The following TIMM17B variants were observed in gnomAD, a reference collection of about 807,000 sequenced individuals.
TIMM17B encodes translocase of inner mitochondrial membrane 17B.
A neutral mutation model predicts 15.9 loss-of-function variants in TIMM17B; 10 were observed. The observed-to-expected ratio is 0.63, with a 90% CI of 0.39 to 1.06. The LOEUF is 1.06. Ranked by LOEUF, TIMM17B falls within the 50% of genes least tolerant of loss-of-function variation. The probability of loss-of-function intolerance (pLI) is 0.01; values close to 1 mark genes in which losing one functional copy is unlikely to be tolerated. For synonymous variants in TIMM17B, 57 were observed against 57.2 expected, an observed-to-expected ratio of 1.00 and a Z score of 0.02; for missense variants, 114 against 152.2, an observed-to-expected ratio of 0.75 and a Z score of 1.32.
chrX:48,897,013 G>A, intron 2 of TIMM17B, 155 bp from the exon 2 acceptor site: 1 of 1,068,035 alleles, frequency 9.4e-7, no homozygotes, highest in Non-Finnish European at 1.2e-6. Flanking sequence ...GTTCTGTCAC[G>A]CTTTTTCCAC....
At chrX:48,896,464 A>G in intron 3 of TIMM17B, 1 of 320,425 alleles carries the variant, frequency 3.1e-6, no homozygotes, top group Non-Finnish European at 5.1e-6. Flanking sequence ...TCTCAAAAAA[A>G]AAAAAAACTG....
intron 1 of TIMM17B, chrX:48,898,006 T>G: frequency 1.0e-6 from 1 of 979,992 alleles, no homozygotes; most frequent in East Asian, 3.5e-5. Context: ...GAGAGTCGTG[T>G]GGGCCCAGGT....
At chrX:48,897,141 G>C (rs1460793352) in intron 2 of TIMM17B, 1 of 450,787 alleles carries the variant, frequency 2.2e-6, no homozygotes, top group African/African-American at 2.5e-5. Flanking sequence ...AAATGAATTG[G>C]CACACGCAGA....
Position 48,897,863 on chromosome X carries a change from G to A in TIMM17B, c.-72-42C>T. ...ATTGGGTCGCTATACCGCATGTCAC[G>A]CCAAGGACGCACTCTCATTGGCCAA... is the stretch of plus-strand genomic sequence containing the variant. On this transcript the variant is annotated intron_variant, in intron 1 of 6. Coordinates refer to ENST00000376582, the Ensembl canonical transcript of TIMM17B. 4 of 1,049,915 alleles carry A rather than the reference G, an allele frequency of 3.8e-6. No homozygotes were observed. The South Asian group carries it at 8.3e-5, about 22-fold the overall frequency. The allele number at this position is 1,049,915 out of a possible 1,213,427, so 86.5% of individuals were successfully genotyped here.
chrX:48,894,643 G>C (rs1171853479), intron 4 of TIMM17B, among the ~76,000 whole-genome samples: 1 of 111,792 alleles, frequency 8.9e-6, no homozygotes, highest in African/African-American at 3.3e-5. Flanking sequence ...CCTGTTCGAG[G>C]TGCTCTGTTA....
intron 2 of TIMM17B, 61 bp from the exon 2 acceptor site, chrX:48,896,919 A>C: frequency 8.4e-7 from 1 of 1,195,750 alleles, no homozygotes; most frequent in Non-Finnish European, 1.1e-6. Context: ...CTGTCACACG[A>C]ACTCTTTTCT....
chrX:48,897,358 C>T (rs782271236), intron 2 of TIMM17B: 1 of 256,472 alleles, frequency 3.9e-6, no homozygotes, highest in Non-Finnish European at 7.0e-6. Context: ...CATCCGTGCC[C>T]CGCCCCCCAC....
chrX:48,894,453 T>G (rs934326499), intron 4 of TIMM17B, among the ~76,000 whole-genome samples: 1 of 110,872 alleles, frequency 9.0e-6, no homozygotes, highest in African/African-American at 3.3e-5. Context: ...TTATGGGGAG[T>G]TGACAAATGT....
exon 7 of TIMM17B, chrX:48,893,662 C>T: frequency 3.2e-6 from 3 of 926,379 alleles, no homozygotes; most frequent in Non-Finnish European, 4.4e-6. Context: ...TGGGAGCCAG[C>T]CCTCCCTTCG....
At chrX:48,894,197 G>A in exon 5 of TIMM17B, 1 of 1,208,816 alleles carries the variant, frequency 8.3e-7, no homozygotes, top group Non-Finnish European at 1.1e-6. Context: ...CGATGGTGGA[G>A]AACAGGCCCC....
chrX:48,894,334 G>A (rs781791770), intron 4 of TIMM17B, 109 bp from the exon 4 acceptor site: 11 of 850,176 alleles, frequency 1.3e-5, no homozygotes, highest in African/African-American at 8.1e-5. Flanking sequence ...GAAAAACCCA[G>A]ACACAAAGGC....
chrX:48,895,237 C>T lies in TIMM17B; in HGVS notation c.127-136G>A, dbSNP rs1022866060. 4.3e-5 allele frequency: 24 copies of T among 553,583 alleles called. No individual in the cohort carries two copies. The African/African-American group carries it at 4.6e-4, about 11-fold the overall frequency. 45.6% of individuals were successfully genotyped at this position (553,583 alleles called of 1,213,427 possible). A position where few individuals can be genotyped will look rare whatever the true frequency, so the allele number is the denominator to read the frequency against. The stretch of plus-strand genomic sequence containing the variant: ...AGAGATGTGGAGAAGTGGCCAAGAA[C>T]TAGTGGCCTGGAGAGCGCCCCAACA... On this transcript the variant is annotated intron_variant, in intron 3 of 6. Transcript: ENST00000376582.
At chrX:48,896,143 T>G (rs1326567433) in intron 3 of TIMM17B, 1 of 49,844 alleles carries the variant, frequency 2.0e-5, no homozygotes, top group Non-Finnish European at 3.5e-5. Context: ...CAGGGCAAGA[T>G]GCTGTCTCAA....
chrX:48,897,566 C>T (rs1557039805), intron 2 of TIMM17B, 158 bp downstream of exon 1: 1 of 480,364 alleles, frequency 2.1e-6, no homozygotes. Flanking sequence ...CATAACGGAG[C>T]CCGAATGACA....
At chrX:48,895,784 C>A (rs1203342628) in intron 3 of TIMM17B, 1 of 257,640 alleles carries the variant, frequency 3.9e-6, no homozygotes, top group Admixed American at 5.8e-5. Flanking sequence ...AACTTCAAGG[C>A]TGTCTTCCGT....
chrX:48,897,428 C>T, intron 2 of TIMM17B: 1 of 357,925 alleles, frequency 2.8e-6, no homozygotes, highest in South Asian at 4.6e-5. Context: ...CGGTCAACAC[C>T]GTACCACCCC....
At chrX:48,895,312 G>GTTCA (rs782709911) in intron 3 of TIMM17B, 4 of 506,164 alleles carry the variant, frequency 7.9e-6, no homozygotes, top group South Asian at 2.5e-5. Flanking sequence ...TCATACATTT[G>GTTCA]TTCATTCATT....
At chrX:48,894,336 C>T in intron 4 of TIMM17B, 111 bp from the exon 4 acceptor site, 2 of 838,365 alleles carry the variant, frequency 2.4e-6, no homozygotes, top group Middle Eastern at 3.0e-4. Context: ...AAAACCCAGA[C>T]ACAAAGGCAG....
chrX:48,894,973 C>T, intron 4 of TIMM17B, 65 bp downstream of exon 3: 1 of 1,016,885 alleles, frequency 9.8e-7, no homozygotes, highest in Non-Finnish European at 1.4e-6. Context: ...AGCCTAGACC[C>T]AAAGGATCAA....
Sources: gnomAD v4.1 joint callset for allele counts (sites outside exome capture counted in the v4.1 genomes callset) on GRCh38, gnomAD v4.1.1 for gene constraint, MANE v1.5 for transcripts, NCBI Gene and HGNC (gene_info 2026-07-23, HGNC 2026-07-21) for gene names.